TPPP: variants seen among roughly 807,000 people sequenced by gnomAD.
TPPP encodes tubulin polymerization promoting protein.
In TPPP, 6 loss-of-function variants were observed where a neutral mutation model predicts 15.5. That is an observed-to-expected ratio of 0.39 (90% CI 0.21 to 0.77). The LOEUF is 0.77. Among genes scored for constraint, TPPP ranks in the 30% least tolerant of loss-of-function variants. The pLI is 0.42. For missense variants in TPPP, 269 were observed against 307.2 expected, an observed-to-expected ratio of 0.88 and a Z score of 0.93; for synonymous variants, 146 against 133.9, an observed-to-expected ratio of 1.09 and a Z score of -0.63.
chr5:672,677 G>A (rs1285376550), intron 2 of TPPP, among the ~76,000 whole-genome samples: 4 of 152,214 alleles, frequency 2.6e-5, no homozygotes, highest in East Asian at 3.9e-4. Context: ...CCCCAGGCTC[G>A]AGGAGGCGCT....
intron 2 of TPPP, among the ~76,000 whole-genome samples, chr5:675,656 C>T (rs1009003162): frequency 2.2e-4 from 33 of 152,028 alleles, no homozygotes; most frequent in African/African-American, 7.0e-4. Context: ...GACGGACCCT[C>T]GAGGGCTGAG....
intron 2 of TPPP, among the ~76,000 whole-genome samples, chr5:667,628 C>T (rs1177883413): frequency 6.6e-6 from 1 of 152,128 alleles, no homozygotes; most frequent in Non-Finnish European, 1.5e-5. Context: ...AGAAGACAAG[C>T]CACAGACTAG....
chr5:668,334 C>T (rs1580076541), intron 2 of TPPP, among the ~76,000 whole-genome samples: 2 of 101,852 alleles, frequency 2.0e-5, no homozygotes, highest in East Asian at 2.6e-4. Context: ...GCCGTGTGGG[C>T]GCCGTCAGGG....
At chr5:688,959 C>T (rs1207426249) in intron 1 of TPPP, among the ~76,000 whole-genome samples, 3 of 108,772 alleles carry the variant, frequency 2.8e-5, no homozygotes, top group Admixed American at 1.8e-4. Context: ...GTCAGGTCCC[C>T]GGGGCTGGCT....
chr5:668,922 C>T (rs1033572508), intron 2 of TPPP, among the ~76,000 whole-genome samples: 15 of 152,274 alleles, frequency 9.9e-5, no homozygotes, highest in Middle Eastern at 3.4e-3. Flanking sequence ...ACGGAGGTGC[C>T]GCTGGGTGAT....
rs148475515 is a variant in TPPP, at chr5:673,769, G to T, written c.311+3981C>A. 2.8e-3 allele frequency among the ~76,000 whole-genome samples: 432 copies of T among 152,264 alleles called. 14 individuals are homozygous for T. The East Asian group carries it at 0.068, about 24-fold the overall frequency. On this transcript the variant is annotated intron_variant, in intron 2 of 3. Coordinates refer to ENST00000360578, the MANE Select transcript of TPPP (RefSeq NM_007030.3). ...GGGGCCAAGCTTTAGCCCCCCAAGC[G>T]CCTGAGCAGCTCCAGCCCTGCCTCT...
chr5:676,865 G>C (rs569248730), intron 2 of TPPP, among the ~76,000 whole-genome samples: 9 of 148,696 alleles, frequency 6.1e-5, no homozygotes, highest in Admixed American at 3.3e-4. Context: ...GCGCACACAC[G>C]ACGCAGAAAC....
At chr5:681,211 G>A (rs374096600) in intron 1 of TPPP, among the ~76,000 whole-genome samples, 1 of 152,304 alleles carries the variant, frequency 6.6e-6, no homozygotes, top group Middle Eastern at 3.4e-3. Flanking sequence ...CCTGAGCCCT[G>A]GGTGCAGACC....
At chr5:671,498 T>G (rs576937475) in intron 2 of TPPP, among the ~76,000 whole-genome samples, 1 of 152,360 alleles carries the variant, frequency 6.6e-6, no homozygotes. Flanking sequence ...AAATGACCTG[T>G]GTTGCCTGGT....
In TPPP at chr5:663,364, C is replaced by G. The variant is rs893426073; in HGVS notation, c.*1738G>C. On this transcript the variant is annotated 3_prime_UTR_variant, in exon 4 of 4. Transcript: ENST00000360578. ...TTCCCCAGGCCGGTGAGGTGACATC[C>G]TAAAGGAGCCACGAAGCCTGAGGTC... 3 of 152,470 alleles carry G rather than the reference C, an allele frequency of 2.0e-5. No individual in the cohort carries two copies. Among genetic ancestry groups the G allele is most frequent in the Non-Finnish European group, 4.4e-5 (3 of 68,104 alleles). 9.4% of individuals were successfully genotyped at this position (152,470 alleles called of 1,614,324 possible).
the TPPP span, among the ~76,000 whole-genome samples, chr5:698,779 C>G: frequency 2.0e-5 from 3 of 151,936 alleles, no homozygotes; most frequent in Non-Finnish European, 4.4e-5. Context: ...CGTATTACGA[C>G]TCCACCAAAA....
At chr5:676,010 CAGCTTCTCTGGGACTGA>C (rs148671355) in intron 2 of TPPP, 55,560 of 152,020 alleles carry the variant, frequency 0.37, 13,445 homozygotes, top group African/African-American at 0.69. Context: ...GCCTCCCCTC[CAGCTTCTCTGGGACTGA>C]GGCTGGGAGC....
At chr5:682,368 T>A (rs1387202551) in intron 1 of TPPP, among the ~76,000 whole-genome samples, 28 of 142,018 alleles carry the variant, frequency 2.0e-4, no homozygotes, top group Middle Eastern at 3.6e-3. Flanking sequence ...TACTAGGGCC[T>A]GGGGTCTGCC....
rs955429294 is a variant in TPPP at position 660,053 on chromosome 5, C to G, written c.*5049G>C. The stretch of plus-strand genomic sequence containing the variant: ...GAGGAACAGCAGGGCCACCCCACCC[C>G]GCGGACGTCCGCGGTGAGTGCGGTT... On this transcript the variant is annotated 3_prime_UTR_variant, in exon 4 of 4. Coordinates refer to ENST00000360578, the MANE Select transcript of TPPP (RefSeq NM_007030.3). The G allele has an allele frequency of 2.0e-5, 3 of 152,330 alleles. No individual in the cohort carries two copies. In the East Asian group the frequency reaches 5.6e-4, roughly 29 times the overall value. 9.4% of individuals were successfully genotyped at this position (152,330 alleles called of 1,614,324 possible).
intron 2 of TPPP, among the ~76,000 whole-genome samples, chr5:674,583 C>T (rs943958493): frequency 3.9e-5 from 6 of 152,144 alleles, no homozygotes; most frequent in African/African-American, 1.2e-4. Flanking sequence ...CCTGACCTCC[C>T]GGGCACAGCC....
chr5:692,497 G>C (rs1301467255), intron 1 of TPPP: 2 of 878,666 alleles, frequency 2.3e-6, no homozygotes, highest in East Asian at 1.3e-4. Context: ...CAAGACAACA[G>C]CCCCCCCAAA....
chr5:681,119 G>C (rs1740610202), intron 1 of TPPP, among the ~76,000 whole-genome samples: 1 of 152,228 alleles, frequency 6.6e-6, no homozygotes, highest in South Asian at 2.1e-4. Flanking sequence ...ACCGAGCATG[G>C]CATGCTGCTG....
chr5:666,159 G>T (rs748421364), intron 2 of TPPP, 36 bp from the exon 3 acceptor site: 12 of 1,540,694 alleles, frequency 7.8e-6, no homozygotes, highest in Non-Finnish European at 1.0e-5. Flanking sequence ...CTGGGCGCGG[G>T]CCGGCCCAGG....
chr5:676,744 CAG>C (rs1208696528), intron 2 of TPPP: 2 of 152,244 alleles, frequency 1.3e-5, no homozygotes, highest in African/African-American at 4.8e-5. Flanking sequence ...CAGGAGAAAA[CAG>C]ACAATGCGTG....
Sources: allele counts gnomAD v4.1 joint callset (sites outside exome capture counted in the v4.1 genomes callset), GRCh38; gene constraint gnomAD v4.1.1; transcripts MANE v1.5; gene names NCBI Gene and HGNC (gene_info 2026-07-23, HGNC 2026-07-21).